Variants in SH3BP4 observed in about 807,000 individuals in gnomAD.
The protein encoded by SH3BP4 is SH3 domain-binding protein 4.
Under a neutral mutation model 65.5 loss-of-function variants are expected in SH3BP4, and 33 were observed. The ratio of observed to expected loss-of-function variants is 0.50; its 90% CI spans 0.38 to 0.67. The LOEUF is 0.67. Among genes scored for constraint, SH3BP4 ranks in the 30% least tolerant of loss-of-function variants. The probability of loss-of-function intolerance (pLI) is 0.00; values close to 1 mark genes in which losing one functional copy is unlikely to be tolerated. For missense variants in SH3BP4, 1,134 were observed against 1,261.4 expected (o/e 0.90, Z 1.53); for synonymous variants, 552 against 545.5 (o/e 1.01, Z -0.17).
At position 235,040,921 on chromosome 2, in the gene SH3BP4, C is replaced by T; in HGVS notation, c.152C>T (p.Pro51Leu). The change falls in exon 4 of 6, where the codon CCC becomes CTC. Residue 51 changes from proline (P) to leucine (L), a missense_variant. Transcript: ENST00000392011. ...CCCAGTGCCTTGCTCGTAGACAACC[C>T]CACACCTTTCGGAAATGCAAAGGAA... ...PSPSALLVDNPTPFGNAKEVI... is the reference protein window; with the variant it reads ...PSPSALLVDNLTPFGNAKEVI... 1 of 1,613,830 alleles carries T rather than the reference C, an allele frequency of 6.2e-7. No individual in the cohort carries two copies. Among genetic ancestry groups the T allele is most frequent in the Non-Finnish European group, 8.5e-7 (1 of 1,179,772 alleles).
chr2:234,972,270 T>A (rs1693024639), intron 1 of SH3BP4, among the ~76,000 whole-genome samples: 1 of 151,894 alleles, frequency 6.6e-6, no homozygotes. Context: ...TAGCTGGGAT[T>A]ATAGGCACGC....
At chr2:235,024,949 C>G (rs1321779138) in intron 2 of SH3BP4, among the ~76,000 whole-genome samples, 2 of 151,924 alleles carry the variant, frequency 1.3e-5, no homozygotes, top group Non-Finnish European at 1.5e-5. Context: ...AATGAATGGG[C>G]CTCTCTGCTT....
Position 235,042,019 on chromosome 2 carries a change from G to A in SH3BP4, c.1250G>A (p.Arg417Lys). 6.2e-7 allele frequency: 1 copy of A among 1,614,056 alleles called. No individual in the cohort carries two copies. ...SKSTVGLQCL[R>K]SDSKEGPYVS... ...AGCACAGTGGGCCTCCAGTGCCTGAGGAGCGACTCGAAGGAAGGGCCATAT... is the reference window on the plus strand; with the variant it reads ...AGCACAGTGGGCCTCCAGTGCCTGAAGAGCGACTCGAAGGAAGGGCCATAT... The change falls in exon 4 of 6, where the codon AGG becomes AAG. Residue 417 changes from arginine to lysine, a missense_variant. By Grantham distance (26) the Arg-to-Lys change is conservative. Coordinates refer to ENST00000392011, the MANE Select transcript of SH3BP4 (RefSeq NM_014521.3). This position sits in a 1 kb window ranked among gnomAD's most constrained non-coding sequence, Gnocchi z 7.3.
intron 1 of SH3BP4, among the ~76,000 whole-genome samples, chr2:234,968,442 T>C (rs150140058): frequency 1.2e-4 from 18 of 151,356 alleles, no homozygotes; most frequent in East Asian, 9.9e-4. Flanking sequence ...AATTATTGCA[T>C]TGGGGCCAGG....
At chr2:235,016,623 C>T (rs1694691879) in intron 2 of SH3BP4, among the ~76,000 whole-genome samples, 1 of 152,196 alleles carries the variant, frequency 6.6e-6, no homozygotes, top group Non-Finnish European at 1.5e-5. Flanking sequence ...ATTCTCCTGC[C>T]TCAGCCTCCC....
At chr2:235,029,382 G>A (rs555116619) in intron 2 of SH3BP4, among the ~76,000 whole-genome samples, 1 of 152,140 alleles carries the variant, frequency 6.6e-6, no homozygotes, top group Non-Finnish European at 1.5e-5. Flanking sequence ...TGAAGGGAGC[G>A]CTTGGTGGGC....
chr2:235,050,110 C>CT (rs950981069), intron 4 of SH3BP4, among the ~76,000 whole-genome samples: 37 of 151,556 alleles, frequency 2.4e-4, no homozygotes, highest in African/African-American at 4.1e-4. Context: ...CCCTGGGTTT[C>CT]TTTTTTTTTC....
chr2:235,012,428 T>C (rs1438413247), intron 2 of SH3BP4, among the ~76,000 whole-genome samples: 1 of 152,232 alleles, frequency 6.6e-6, no homozygotes. Flanking sequence ...GCCTGAGTTG[T>C]CTGCCAAGTT....
chr2:235,041,833 C>T lies in SH3BP4; in HGVS notation c.1064C>T (p.Ser355Phe), dbSNP rs1695659911. 1 of 1,601,664 alleles carries T rather than the reference C, an allele frequency of 6.2e-7. No individual in the cohort carries two copies. Among genetic ancestry groups the T allele is most frequent in the African/African-American group, 1.3e-5 (1 of 74,526 alleles). Residue 355 changes from serine to phenylalanine, a missense_variant, in exon 4 of 6, where the codon TCC (serine) becomes TTC (phenylalanine). Coordinates refer to ENST00000392011, the MANE Select transcript of SH3BP4 (RefSeq NM_014521.3). This position sits in a 1 kb window ranked among gnomAD's most constrained non-coding sequence, Gnocchi z 6.0. The part of the protein sequence containing the change: ...HVAPGETQQI[S>F]MKALLDPPLE... ...GCCCCTGGGGAGACCCAGCAGATCT[C>T]CATGAAAGCCCTGCTGGACCCCCCG...
chr2:235,007,416 T>C (rs190800577), intron 2 of SH3BP4, among the ~76,000 whole-genome samples: 2 of 152,174 alleles, frequency 1.3e-5, no homozygotes, highest in African/African-American at 4.8e-5. Context: ...CACTTGGCAA[T>C]GTCTGGAGAT....
intron 2 of SH3BP4, among the ~76,000 whole-genome samples, chr2:235,029,088 C>T (rs1298399862): frequency 6.6e-6 from 1 of 152,224 alleles, no homozygotes; most frequent in East Asian, 1.9e-4. Flanking sequence ...AGGCCGCAGG[C>T]AGGCCTGCTG....
In SH3BP4 at chr2:235,035,757, G is replaced by A. The variant is rs536362276; in HGVS notation, c.118+637G>A. Among the ~76,000 whole-genome samples, 119 of 152,298 alleles carry A rather than the reference G, an allele frequency of 7.8e-4. No homozygotes were observed. Among genetic ancestry groups the A allele is most frequent in the Non-Finnish European group, 1.3e-3 (89 of 68,028 alleles). ...GTCTCTGGGTTTCTCCAGTGGCCTCGTAAAATTGAGTTCATGAGAAAACCT... is the reference window on the plus strand; with the variant it reads ...GTCTCTGGGTTTCTCCAGTGGCCTCATAAAATTGAGTTCATGAGAAAACCT... On this transcript the variant is annotated intron_variant, in intron 3 of 5. Transcript: ENST00000392011. This position sits in a 1 kb window ranked among gnomAD's most constrained non-coding sequence, Gnocchi z 5.0.
At chr2:234,998,731 G>A (rs1435910543) in intron 2 of SH3BP4, among the ~76,000 whole-genome samples, 7 of 152,280 alleles carry the variant, frequency 4.6e-5, no homozygotes, top group Admixed American at 2.6e-4. Context: ...CCCTGCCCCC[G>A]CCTCTGGCTA....
intron 1 of SH3BP4, among the ~76,000 whole-genome samples, chr2:234,969,287 C>G (rs1007051786): frequency 6.6e-6 from 1 of 152,142 alleles, no homozygotes; most frequent in South Asian, 2.1e-4. Flanking sequence ...CTCTGATCTG[C>G]GGGTGGCTTT....
intron 2 of SH3BP4, among the ~76,000 whole-genome samples, chr2:235,023,629 A>C (rs1694911072): frequency 6.6e-6 from 1 of 152,196 alleles, no homozygotes; most frequent in African/African-American, 2.4e-5. Context: ...TAGGAAAATT[A>C]AGAAAATTTT....
chr2:235,027,575 T>G (rs1181742720), intron 2 of SH3BP4, among the ~76,000 whole-genome samples: 1 of 152,224 alleles, frequency 6.6e-6, no homozygotes, highest in African/African-American at 2.4e-5. Flanking sequence ...AATCTCCCGC[T>G]TTTTGTTTTC....
chr2:235,042,723 C>A lies in SH3BP4; in HGVS notation c.1954C>A (p.Pro652Thr). Residue 652 changes from proline to threonine, a missense_variant, in exon 4 of 6, where the codon CCG becomes ACG. By Grantham distance (38) the Pro-to-Thr change is conservative. Coordinates refer to ENST00000392011, the MANE Select transcript of SH3BP4 (RefSeq NM_014521.3). The surrounding 1 kb of genome is among the most constrained non-coding windows in gnomAD (Gnocchi z 7.3). The part of the protein sequence containing the change: ...TTKYPTFQDR[P>T]VSSLKFGKLL... Reference sequence around the variant, plus strand: ...AAAGTACCCGACTTTCCAGGACCGCCCGGTGTCCAGCCTCAAGTTTGGTAA... The same window carrying A: ...AAAGTACCCGACTTTCCAGGACCGCACGGTGTCCAGCCTCAAGTTTGGTAA... The A allele has an allele frequency of 6.2e-7, 1 of 1,614,190 alleles. No individual in the cohort carries two copies. Among genetic ancestry groups the A allele is most frequent in the Non-Finnish European group, 8.5e-7 (1 of 1,180,040 alleles).
chr2:234,997,462 C>G lies in SH3BP4; in HGVS notation c.-133+2086C>G, dbSNP rs72985482. 1.3e-3 allele frequency among the ~76,000 whole-genome samples: 203 copies of G among 152,316 alleles called. No homozygotes were observed. Among genetic ancestry groups the G allele is most frequent in the Non-Finnish European group, 2.1e-3 (141 of 68,030 alleles). On this transcript the variant is annotated intron_variant, in intron 2 of 5. Transcript: ENST00000392011. This position sits in a 1 kb window ranked among gnomAD's most constrained non-coding sequence, Gnocchi z 4.2. Reference sequence around the variant, plus strand: ...CATCAGAGGTAGTTTATCCTGGTGCCTGGTGTCCTTCAGGATGAAGGAGGC... The same window carrying G: ...CATCAGAGGTAGTTTATCCTGGTGCGTGGTGTCCTTCAGGATGAAGGAGGC...
At chr2:234,959,015 T>A (rs1399951775) in intron 1 of SH3BP4, among the ~76,000 whole-genome samples, 2 of 151,874 alleles carry the variant, frequency 1.3e-5, no homozygotes, top group Admixed American at 6.6e-5. Context: ...GAGGGAAGCA[T>A]TGGGTGTGAA....
Sources: gnomAD v4.1 joint callset for allele counts (sites outside exome capture counted in the v4.1 genomes callset) on GRCh38, gnomAD v4.1.1 for gene constraint, Gnocchi (gnomAD v3.1) non-coding constraint, MANE v1.5 for transcripts, NCBI Gene and HGNC (gene_info 2026-07-23, HGNC 2026-07-21) for gene names.